CTNNA3: variants seen among roughly 807,000 people sequenced by gnomAD.
CTNNA3 encodes the protein catenin alpha 3.
In CTNNA3, 76 loss-of-function variants were observed where a neutral mutation model predicts 95.7. That is an observed-to-expected ratio of 0.79 (90% CI 0.66 to 0.96). CTNNA3 has a LOEUF of 0.96. Among genes scored for constraint, CTNNA3 ranks in the 40% least tolerant of loss-of-function variants. CTNNA3 has a pLI of 0.00. For synonymous variants in CTNNA3, 431 were observed against 374.4 expected (o/e 1.15, Z -1.74); for missense variants, 1,191 against 1,089.8 (o/e 1.09, Z -1.31).
At chr10:65,990,678 T>G (rs1029885564) in intron 15 of CTNNA3, among the ~76,000 whole-genome samples, 85 of 151,418 alleles carry the variant, frequency 5.6e-4, no homozygotes, top group African/African-American at 1.9e-3. Context: ...ATTAAATATT[T>G]AAATAATTTA....
chr10:65,977,394 G>C (rs1264643433), intron 16 of CTNNA3, among the ~76,000 whole-genome samples: 1 of 152,092 alleles, frequency 6.6e-6, no homozygotes, highest in African/African-American at 2.4e-5. Flanking sequence ...AATTTCAGGG[G>C]TGAATTAGCA....
intron 7 of CTNNA3, among the ~76,000 whole-genome samples, chr10:66,911,792 T>G (rs1846234444): frequency 6.6e-6 from 1 of 152,196 alleles, no homozygotes; most frequent in African/African-American, 2.4e-5. Flanking sequence ...AAGTTTAACT[T>G]GCAAAGCTTG....
intron 5 of CTNNA3, among the ~76,000 whole-genome samples, chr10:67,272,379 T>C (rs1839014918): frequency 6.6e-6 from 1 of 151,834 alleles, no homozygotes; most frequent in African/African-American, 2.4e-5. Flanking sequence ...TCGAGAAACC[T>C]TGTCTCTACA....
chr10:65,970,969 G>A (rs958655087), intron 16 of CTNNA3, among the ~76,000 whole-genome samples: 1 of 150,326 alleles, frequency 6.7e-6, no homozygotes, highest in South Asian at 2.1e-4. Context: ...CATGTGAAAT[G>A]TTAGTCAATT....
intron 9 of CTNNA3, among the ~76,000 whole-genome samples, chr10:66,711,370 T>G (rs1848289289): frequency 6.6e-6 from 1 of 151,562 alleles, no homozygotes; most frequent in Non-Finnish European, 1.5e-5. Flanking sequence ...AAAAAACAGC[T>G]ATATATCATG....
At chr10:66,691,971 T>A (rs1847562540) in intron 9 of CTNNA3, among the ~76,000 whole-genome samples, 5 of 151,990 alleles carry the variant, frequency 3.3e-5, no homozygotes. Flanking sequence ...TACATCGCCA[T>A]CATCAAAGAC....
chr10:66,978,237 T>C (rs1589533147), intron 7 of CTNNA3, among the ~76,000 whole-genome samples: 2 of 152,014 alleles, frequency 1.3e-5, no homozygotes, highest in African/African-American at 4.8e-5. Context: ...AACAATATTG[T>C]ATTGTGGGCC....
intron 13 of CTNNA3, among the ~76,000 whole-genome samples, chr10:66,265,963 G>C (rs1197651842): frequency 6.7e-6 from 1 of 150,026 alleles, no homozygotes; most frequent in African/African-American, 2.5e-5. Flanking sequence ...CCCGTAGTAC[G>C]TACTCAATAA....
At chr10:67,570,624 A>G (rs1841946575) in intron 3 of CTNNA3, among the ~76,000 whole-genome samples, 1 of 152,134 alleles carries the variant, frequency 6.6e-6, no homozygotes. Flanking sequence ...CTGTTTTGGT[A>G]TTACATACTC....
At chr10:65,968,316 C>T (rs2078021674) in intron 16 of CTNNA3, among the ~76,000 whole-genome samples, 1 of 152,058 alleles carries the variant, frequency 6.6e-6, no homozygotes, top group South Asian at 2.1e-4. Flanking sequence ...GTTAATGCTG[C>T]AGTGAGCCAT....
intron 10 of CTNNA3, among the ~76,000 whole-genome samples, chr10:66,523,859 G>A (rs1043485829): frequency 6.6e-6 from 1 of 152,032 alleles, no homozygotes; most frequent in Non-Finnish European, 1.5e-5. Context: ...CCCCCCACTT[G>A]CTGATAACCT....
At chr10:66,405,080 G>C (rs1343268788) in intron 11 of CTNNA3, among the ~76,000 whole-genome samples, 1 of 152,160 alleles carries the variant, frequency 6.6e-6, no homozygotes, top group Non-Finnish European at 1.5e-5. Flanking sequence ...TCTAAAGGAT[G>C]CTGTTTCAAT....
chr10:67,628,744 G>A (rs1839041449), intron 2 of CTNNA3, among the ~76,000 whole-genome samples: 1 of 151,952 alleles, frequency 6.6e-6, no homozygotes, highest in Non-Finnish European at 1.5e-5. Context: ...ATAATTATGA[G>A]TGTTATGTTG....
intron 9 of CTNNA3, among the ~76,000 whole-genome samples, chr10:66,664,590 G>A (rs1051191906): frequency 5.9e-5 from 9 of 151,890 alleles, no homozygotes; most frequent in East Asian, 1.9e-4. Context: ...CCATGACTAC[G>A]ACAAGCCTGA....
In CTNNA3 at chr10:66,702,732, A is replaced by AAGTAGTAGTAGTAGTAGT. The variant is rs3055636; in HGVS notation, c.1281+63514_1281+63531dup. On this transcript the variant is annotated intron_variant, in intron 9 of 17. Transcript: ENST00000433211. ...CAAAAAAAAAAAAAAAAAAAAGAAT[A>AAGTAGTAGTAGTAGTAGT]AGTAGTAGTAGTAGTAGTAGTAGTA... Among the ~76,000 whole-genome samples, 146 of 134,328 alleles carry AAGTAGTAGTAGTAGTAGT rather than the reference A, an allele frequency of 1.1e-3. 1 individual carries two copies. The highest frequency in any genetic ancestry group is 3.5e-3 in the African/African-American group (123 of 34,792). 88.1% of individuals were successfully genotyped at this position (134,328 alleles called of 152,430 possible). A position where few individuals can be genotyped will look rare whatever the true frequency, so the allele number is the denominator to read the frequency against.
intron 12 of CTNNA3, among the ~76,000 whole-genome samples, chr10:66,337,794 A>G (rs1040402455): frequency 3.9e-5 from 6 of 152,126 alleles, no homozygotes. Flanking sequence ...CTTATACATC[A>G]CTGATGGGAA....
At chr10:66,429,749 A>C (rs1804540779) in intron 11 of CTNNA3, among the ~76,000 whole-genome samples, 3 of 152,184 alleles carry the variant, frequency 2.0e-5, no homozygotes, top group Non-Finnish European at 2.9e-5. Flanking sequence ...GATGGGAAGT[A>C]TCTAAAAATA....
At chr10:66,948,053 C>T (rs929685977) in intron 7 of CTNNA3, among the ~76,000 whole-genome samples, 3 of 152,142 alleles carry the variant, frequency 2.0e-5, no homozygotes, top group Non-Finnish European at 2.9e-5. Context: ...TGTGTAGCTA[C>T]GCATATCTAA....
intron 10 of CTNNA3, among the ~76,000 whole-genome samples, chr10:66,603,203 C>CA (rs1355897144): frequency 5.9e-5 from 9 of 151,868 alleles, no homozygotes; most frequent in Non-Finnish European, 8.8e-5. Context: ...CCTATTATAC[C>CA]AAAAAATTCT....
Sources: gnomAD v4.1 joint callset for allele counts (sites outside exome capture counted in the v4.1 genomes callset) on GRCh38, gnomAD v4.1.1 for gene constraint, MANE v1.5 for transcripts, NCBI Gene and HGNC (gene_info 2026-07-23, HGNC 2026-07-21) for gene names.